Variants in GRIP1 observed in about 807,000 individuals in gnomAD.
GRIP1 encodes the protein glutamate receptor-interacting protein 1.
Under a neutral mutation model 129.9 loss-of-function variants are expected in GRIP1, and 45 were observed. The observed-to-expected ratio is 0.35, with a 90% confidence interval of 0.27 to 0.44. The LOEUF (loss-of-function observed/expected upper bound fraction) is 0.44, where lower values mean the gene tolerates loss of function less well. Among genes scored for constraint, GRIP1 ranks in the 20% least tolerant of loss-of-function variants. The pLI is 1.00. For synonymous variants in GRIP1, 530 were observed against 520.8 expected (o/e 1.02, Z -0.24); for missense variants, 1,196 against 1,396.8 (o/e 0.86, Z 2.29).
At chr12:66,923,198 T>A (rs2041241432) in intron 1 of GRIP1, among the ~76,000 whole-genome samples, 1 of 152,130 alleles carries the variant, frequency 6.6e-6, no homozygotes. Context: ...AAACTTGTCT[T>A]AGGCTGACAC....
intron 1 of GRIP1, among the ~76,000 whole-genome samples, chr12:66,600,097 T>C (rs974563365): frequency 1.3e-5 from 2 of 152,178 alleles, no homozygotes; most frequent in African/African-American, 4.8e-5. Flanking sequence ...TTCGTGTGTA[T>C]ATAAATCCCA....
At chr12:66,933,646 C>G (rs2041436829) in intron 1 of GRIP1, among the ~76,000 whole-genome samples, 1 of 152,110 alleles carries the variant, frequency 6.6e-6, no homozygotes, top group Non-Finnish European at 1.5e-5. Flanking sequence ...CATCTCTGCC[C>G]TCAGGGAGCT....
At chr12:66,841,575 G>GCT (rs2039717043) in intron 1 of GRIP1, among the ~76,000 whole-genome samples, 1 of 152,186 alleles carries the variant, frequency 6.6e-6, no homozygotes, top group African/African-American at 2.4e-5. Flanking sequence ...TTTGAGGCAT[G>GCT]CTCTTCAATT....
intron 15 of GRIP1, among the ~76,000 whole-genome samples, chr12:66,413,522 G>A (rs1565713887): frequency 6.6e-6 from 1 of 152,214 alleles, no homozygotes; most frequent in Non-Finnish European, 1.5e-5. Context: ...GAGGTACAAA[G>A]ATGAGCTGGT....
intron 1 of GRIP1, among the ~76,000 whole-genome samples, chr12:67,063,076 A>G (rs957582071): frequency 6.6e-6 from 1 of 152,236 alleles, no homozygotes; most frequent in East Asian, 1.9e-4. Flanking sequence ...TTTAATCCTC[A>G]CATGACATAG....
At chr12:66,562,891 A>AAG (rs750856127) in intron 2 of GRIP1, among the ~76,000 whole-genome samples, 1 of 151,818 alleles carries the variant, frequency 6.6e-6, no homozygotes, top group Non-Finnish European at 1.5e-5. Flanking sequence ...TCTTATAATA[A>AAG]AAGAGAATGT....
At chr12:66,954,837 C>G (rs973205164) in intron 1 of GRIP1, among the ~76,000 whole-genome samples, 4 of 151,424 alleles carry the variant, frequency 2.6e-5, no homozygotes, top group Non-Finnish European at 5.9e-5. Flanking sequence ...GAAGGAGATA[C>G]GTGCTATGGG....
At chr12:66,978,530 A>G (rs895221073) in intron 1 of GRIP1, among the ~76,000 whole-genome samples, 23 of 152,170 alleles carry the variant, frequency 1.5e-4, no homozygotes, top group African/African-American at 5.3e-4. Flanking sequence ...AGTCTCCTTC[A>G]AACTGTCAAT....
chr12:66,599,416 T>C (rs956516084), intron 1 of GRIP1, among the ~76,000 whole-genome samples: 6 of 152,198 alleles, frequency 3.9e-5, no homozygotes, highest in Non-Finnish European at 8.8e-5. Flanking sequence ...CAGAGCAGCA[T>C]GGCACAATGT....
intron 13 of GRIP1, among the ~76,000 whole-genome samples, chr12:66,436,974 CA>C (rs71069003): frequency 0.05 from 5,709 of 113,298 alleles, 151 homozygotes; most frequent in East Asian, 0.2. Flanking sequence ...ACTCTGTCTC[CA>C]AAAAAAAAAA....
chr12:66,831,754 C>CA (rs1340610948), intron 1 of GRIP1, among the ~76,000 whole-genome samples: 1 of 152,090 alleles, frequency 6.6e-6, no homozygotes, highest in Non-Finnish European at 1.5e-5. Context: ...GAGCACGGTA[C>CA]AAAACCCAGA....
At chr12:66,723,492 T>C (rs1473271028) in intron 1 of GRIP1, among the ~76,000 whole-genome samples, 3 of 151,640 alleles carry the variant, frequency 2.0e-5, no homozygotes, top group Non-Finnish European at 2.9e-5. Context: ...TTTGTATTTT[T>C]AGTAGAGATG....
intron 24 of GRIP1, among the ~76,000 whole-genome samples, chr12:66,349,781 A>G (rs1409058386): frequency 6.6e-6 from 1 of 151,556 alleles, no homozygotes; most frequent in Non-Finnish European, 1.5e-5. Context: ...CAGGAGTTTG[A>G]GACCAGCCTG....
chr12:66,371,060 T>C (rs1457600265), intron 23 of GRIP1, among the ~76,000 whole-genome samples: 1 of 152,144 alleles, frequency 6.6e-6, no homozygotes, highest in Non-Finnish European at 1.5e-5. Flanking sequence ...TAGAAAATCC[T>C]TTCCCCTTCC....
At chr12:66,378,267 C>A (rs1340773241) in intron 20 of GRIP1, among the ~76,000 whole-genome samples, 1 of 151,892 alleles carries the variant, frequency 6.6e-6, no homozygotes, top group African/African-American at 2.4e-5. Context: ...CATGGTGAAA[C>A]CCTGTCTCTA....
chr12:66,684,544 T>C (rs550266461), intron 1 of GRIP1, among the ~76,000 whole-genome samples: 1 of 152,226 alleles, frequency 6.6e-6, no homozygotes, highest in South Asian at 2.1e-4. Context: ...TGCTCCCTCA[T>C]TTAAAACTCC....
At chr12:66,809,923 T>G (rs909656421) in intron 1 of GRIP1, among the ~76,000 whole-genome samples, 3 of 152,136 alleles carry the variant, frequency 2.0e-5, no homozygotes, top group African/African-American at 4.8e-5. Context: ...CCCAAAGTGC[T>G]GGGATTACAG....
At chr12:66,748,920 ATACTT>A (rs1053070479) in intron 1 of GRIP1, among the ~76,000 whole-genome samples, 2 of 152,212 alleles carry the variant, frequency 1.3e-5, no homozygotes, top group African/African-American at 4.8e-5. Context: ...CCATTCTTAT[ATACTT>A]TACATGTTTA....
chr12:66,521,901 T>G (rs1001530335), intron 5 of GRIP1, among the ~76,000 whole-genome samples: 1 of 152,172 alleles, frequency 6.6e-6, no homozygotes, highest in African/African-American at 2.4e-5. Flanking sequence ...GTCTCGCTGA[T>G]TGCTAGCACA....
Sources: allele counts gnomAD v4.1 joint callset (sites outside exome capture counted in the v4.1 genomes callset), GRCh38; gene constraint gnomAD v4.1.1; transcripts MANE v1.5; gene names NCBI Gene and HGNC (gene_info 2026-07-23, HGNC 2026-07-21).